Variants in NIBAN1 observed in about 807,000 individuals in gnomAD.
The protein encoded by NIBAN1 is protein Niban 1.
NIBAN1 carries 81 observed loss-of-function variants against 75.1 expected under a neutral mutation model. The ratio of observed to expected loss-of-function variants is 1.08; its 90% CI spans 0.90 to 1.30. The LOEUF is 1.30. Among genes scored for constraint, NIBAN1 ranks in the 50% most tolerant of loss-of-function variants. The probability of loss-of-function intolerance (pLI) is 0.00; values close to 1 mark genes in which losing one functional copy is unlikely to be tolerated. For missense variants in NIBAN1, 1,133 were observed against 1,128.1 expected (o/e 1.00, Z -0.06); for synonymous variants, 436 against 424.8 (o/e 1.03, Z -0.32).
rs754909206 is a variant in NIBAN1 at position 184,884,669 on chromosome 1, C to T, written c.565G>A (p.Ala189Thr). ...TGCCTGACGCAGTCACTCAGGAGGG[C>T]ACTAAACCTCTTCTGGTCAGCAGCC... ...HEAADQKRFS[A>T]LLSDCVRHLN... Residue 189 changes from alanine (A) to threonine (T), a missense_variant, in exon 5 of 14, where the codon GCC becomes ACC. Transcript: ENST00000367511. 1.2e-6 allele frequency: 2 copies of T among 1,614,156 alleles called. No homozygotes were observed. Among genetic ancestry groups the T allele is most frequent in the East Asian group, 2.2e-5 (1 of 44,874 alleles).
At chr1:184,908,402 T>C (rs1657156663) in intron 1 of NIBAN1, among the ~76,000 whole-genome samples, 1 of 152,098 alleles carries the variant, frequency 6.6e-6, no homozygotes, top group Non-Finnish European at 1.5e-5. Flanking sequence ...CCTTCAAAGG[T>C]TAATATAAGT....
chr1:184,958,510 G>A (rs1257785016), intron 1 of NIBAN1, among the ~76,000 whole-genome samples: 4 of 152,100 alleles, frequency 2.6e-5, no homozygotes, highest in South Asian at 4.1e-4. Context: ...ATCCTATCAC[G>A]CTGATACTCC....
intron 1 of NIBAN1, among the ~76,000 whole-genome samples, chr1:184,929,506 T>C (rs999132833): frequency 4.6e-5 from 7 of 152,116 alleles, no homozygotes; most frequent in Admixed American, 3.3e-4. Context: ...TAGTTTTTTC[T>C]AAAGTTTGAA....
At chr1:184,815,160 T>C (rs1364145839) in intron 9 of NIBAN1, among the ~76,000 whole-genome samples, 1 of 152,216 alleles carries the variant, frequency 6.6e-6, no homozygotes, top group Non-Finnish European at 1.5e-5. Flanking sequence ...TCAATGCATG[T>C]TTTCTAGTTG....
rs1328429161 is a variant in NIBAN1, at chr1:184,799,769, G to A, written c.1555-1579C>T. ...TTTTTTTTTTTTTTTTTTTTGAGAC[G>A]GAGTCTCGCTCTGTCGCCCAGGCTG... is the stretch of plus-strand genomic sequence containing the variant. On this transcript the variant is annotated intron_variant, in intron 12 of 13. Transcript: ENST00000367511. Among the ~76,000 whole-genome samples the A allele has an allele frequency of 4.6e-5, 3 of 64,746 alleles. 1 individual carries two copies. Among genetic ancestry groups the A allele is most frequent in the East Asian group, 1.1e-3 (2 of 1,856 alleles). 42.5% of individuals were successfully genotyped at this position (64,746 alleles called of 152,430 possible).
intron 5 of NIBAN1, among the ~76,000 whole-genome samples, chr1:184,862,370 T>C (rs767840288): frequency 1.1e-4 from 17 of 151,962 alleles, no homozygotes; most frequent in Non-Finnish European, 2.9e-5. Flanking sequence ...CTGTGGCTAT[T>C]CACAGGCGCA....
At chr1:184,968,729 G>T (rs1571613789) in intron 1 of NIBAN1, among the ~76,000 whole-genome samples, 2 of 152,326 alleles carry the variant, frequency 1.3e-5, no homozygotes, top group Admixed American at 6.5e-5. Flanking sequence ...AACTGTATTA[G>T]ATAGAATGAG....
At position 184,883,232 on chromosome 1, in the gene NIBAN1, G is replaced by T. The variant is rs144912269; in HGVS notation, c.601+1401C>A. Among the ~76,000 whole-genome samples, 37 of 152,324 alleles carry T rather than the reference G, an allele frequency of 2.4e-4. No homozygotes were observed. In the East Asian group the frequency reaches 6.9e-3, roughly 29 times the overall value. On this transcript the variant is annotated intron_variant, in intron 5 of 13. Coordinates refer to ENST00000367511, the MANE Select transcript of NIBAN1 (RefSeq NM_052966.4). The stretch of plus-strand genomic sequence containing the variant: ...CACCTGCTCATACAGGACTCCCCTG[G>T]AGAGCTGAAAGTTCGGCACTCCTTT...
intron 1 of NIBAN1, among the ~76,000 whole-genome samples, chr1:184,904,906 G>C (rs752032953): frequency 6.7e-6 from 1 of 150,008 alleles, no homozygotes; most frequent in Non-Finnish European, 1.5e-5. Flanking sequence ...AGCCAAGATC[G>C]CACCACTGCA....
At chr1:184,853,997 G>A (rs1655612028) in intron 5 of NIBAN1, among the ~76,000 whole-genome samples, 1 of 152,140 alleles carries the variant, frequency 6.6e-6, no homozygotes, top group Non-Finnish European at 1.5e-5. Flanking sequence ...ACACAAGTAA[G>A]ATTAATGATA....
intron 12 of NIBAN1, among the ~76,000 whole-genome samples, chr1:184,800,248 G>A (rs1296969372): frequency 8.1e-5 from 12 of 148,526 alleles, no homozygotes; most frequent in African/African-American, 2.5e-4. Flanking sequence ...TGAGTTCATT[G>A]TAGATTCTGG....
chr1:184,907,220 CAA>C (rs11360294), intron 1 of NIBAN1, among the ~76,000 whole-genome samples: 14 of 149,382 alleles, frequency 9.4e-5, no homozygotes, highest in Middle Eastern at 3.5e-3. Context: ...TATAAAATTG[CAA>C]AAAAAAAAAT....
intron 13 of NIBAN1, among the ~76,000 whole-genome samples, chr1:184,796,666 G>A (rs1017258703): frequency 1.3e-5 from 2 of 152,148 alleles, no homozygotes; most frequent in African/African-American, 4.8e-5. Context: ...ACAACAGCAG[G>A]TGACATTTTT....
intron 10 of NIBAN1, among the ~76,000 whole-genome samples, chr1:184,806,342 C>A (rs1654198443): frequency 6.6e-6 from 1 of 152,188 alleles, no homozygotes; most frequent in African/African-American, 2.4e-5. Flanking sequence ...ATACCTGCAG[C>A]CACTGATTAA....
At chr1:184,834,322 T>C (rs536576167) in intron 5 of NIBAN1, among the ~76,000 whole-genome samples, 2 of 152,330 alleles carry the variant, frequency 1.3e-5, no homozygotes, top group South Asian at 4.1e-4. Flanking sequence ...TAAACATATG[T>C]GTGCATGTGT....
At chr1:184,805,543 T>C (rs995469028) in intron 11 of NIBAN1, among the ~76,000 whole-genome samples, 2 of 152,290 alleles carry the variant, frequency 1.3e-5, no homozygotes, top group African/African-American at 2.4e-5. Context: ...CATGAGGTTC[T>C]GATTTTTCAA....
chr1:184,973,229 T>C (rs1266326524), intron 1 of NIBAN1, among the ~76,000 whole-genome samples: 1 of 152,246 alleles, frequency 6.6e-6, no homozygotes, highest in African/African-American at 2.4e-5. Context: ...AGCAGGAATC[T>C]GTAAAATCAG....
At chr1:184,824,354 C>A (rs1307822950) in intron 6 of NIBAN1, among the ~76,000 whole-genome samples, 1 of 152,110 alleles carries the variant, frequency 6.6e-6, no homozygotes, top group African/African-American at 2.4e-5. Flanking sequence ...CCATGCAGTG[C>A]CTTCATCCAG....
chr1:184,878,632 T>C (rs1474546716), intron 5 of NIBAN1, among the ~76,000 whole-genome samples: 1 of 152,230 alleles, frequency 6.6e-6, no homozygotes, highest in Non-Finnish European at 1.5e-5. Flanking sequence ...CTTAAGTGAA[T>C]AGCTCTGGAT....
Sources: allele counts gnomAD v4.1 joint callset (sites outside exome capture counted in the v4.1 genomes callset), GRCh38; gene constraint gnomAD v4.1.1; transcripts MANE v1.5; gene names NCBI Gene and HGNC (gene_info 2026-07-23, HGNC 2026-07-21).